The following HLCS variants were observed in gnomAD, a reference collection of about 807,000 sequenced individuals.
HLCS encodes holocarboxylase synthetase, also known as biotin--protein ligase.
A neutral mutation model predicts 75.0 loss-of-function variants in HLCS; 53 were observed. The ratio of observed to expected loss-of-function variants is 0.71; its 90% confidence interval spans 0.57 to 0.89. The LOEUF is 0.89. HLCS is among the 40% of genes least tolerant of loss of function. The pLI is 0.00. For missense variants in HLCS, 966 were observed against 1,074.0 expected (o/e 0.90, Z 1.41); for synonymous variants, 431 against 428.6 (o/e 1.01, Z -0.07).
chr21:36,755,505 A>T lies in HLCS; in HGVS notation c.2450+1037T>A, dbSNP rs919383472. Among the ~76,000 whole-genome samples, 4 of 152,360 alleles carry T rather than the reference A, an allele frequency of 2.6e-5. No individual in the cohort carries two copies. In the South Asian group the frequency reaches 8.3e-4, roughly 32 times the overall value. On this transcript the variant is annotated intron_variant, in intron 10 of 10. Transcript: ENST00000674895. ...GAGAACAAGAACCTCCCATAAAATTATAATAGCATTAACTATGACCACTCA... is the reference window on the plus strand; with the variant it reads ...GAGAACAAGAACCTCCCATAAAATTTTAATAGCATTAACTATGACCACTCA...
intron 6 of HLCS, among the ~76,000 whole-genome samples, chr21:36,880,920 G>T (rs939996985): frequency 2.0e-5 from 3 of 151,990 alleles, no homozygotes; most frequent in African/African-American, 7.3e-5. Flanking sequence ...CTGCGTTCTG[G>T]GTGTTTGGGT....
intron 6 of HLCS, among the ~76,000 whole-genome samples, chr21:36,794,548 T>TAGGA (rs1190195725): frequency 1.3e-5 from 2 of 151,832 alleles, no homozygotes; most frequent in Non-Finnish European, 2.9e-5. Flanking sequence ...TTGGGGGGAA[T>TAGGA]AGGAATAAGG....
intron 6 of HLCS, among the ~76,000 whole-genome samples, chr21:36,774,564 G>A (rs987544503): frequency 1.3e-5 from 2 of 152,174 alleles, no homozygotes; most frequent in Non-Finnish European, 2.9e-5. Context: ...GGGATAAGGA[G>A]GGAAGTCAGG....
At chr21:36,821,671 T>C (rs2061845066) in intron 6 of HLCS, among the ~76,000 whole-genome samples, 1 of 152,220 alleles carries the variant, frequency 6.6e-6, no homozygotes, top group African/African-American at 2.4e-5. Flanking sequence ...GTTATGTCTA[T>C]ATGATATTTA....
chr21:36,978,112 TAA>T (rs1224143802), intron 1 of HLCS, among the ~76,000 whole-genome samples: 1 of 152,206 alleles, frequency 6.6e-6, no homozygotes, highest in African/African-American at 2.4e-5. Flanking sequence ...TCCTTCAGGT[TAA>T]GTTACTTTAT....
At chr21:36,826,015 G>A (rs3787757) in intron 6 of HLCS, among the ~76,000 whole-genome samples, 7,827 of 151,738 alleles carry the variant, frequency 0.052, 327 homozygotes, top group South Asian at 0.17. Context: ...CAAGGAATTA[G>A]AGTAAGAAGT....
At chr21:36,868,258 AGAAG>A (rs933236112) in intron 6 of HLCS, among the ~76,000 whole-genome samples, 10 of 148,848 alleles carry the variant, frequency 6.7e-5, no homozygotes, top group Non-Finnish European at 1.3e-4. Flanking sequence ...AAAGAAAGAG[AGAAG>A]GAAGGAAGGA....
At chr21:36,791,556 G>A (rs2060864387) in intron 6 of HLCS, among the ~76,000 whole-genome samples, 2 of 152,232 alleles carry the variant, frequency 1.3e-5, no homozygotes, top group Admixed American at 1.3e-4. Flanking sequence ...GACCTCACCT[G>A]CGACTTTTCT....
At chr21:36,818,693 G>A (rs114343628) in intron 6 of HLCS, among the ~76,000 whole-genome samples, 1 of 152,278 alleles carries the variant, frequency 6.6e-6, no homozygotes, top group African/African-American at 2.4e-5. Flanking sequence ...ACATGAAAGA[G>A]CACTTAATTT....
chr21:36,829,196 TA>T (rs2062111235), intron 6 of HLCS, among the ~76,000 whole-genome samples: 1 of 152,238 alleles, frequency 6.6e-6, no homozygotes, highest in Non-Finnish European at 1.5e-5. Context: ...AAACTCCAAA[TA>T]GCGTACTTCA....
At chr21:36,962,304 G>T in intron 1 of HLCS, 134 bp from the exon 2 acceptor site, 1 of 499,982 alleles carries the variant, frequency 2.0e-6, no homozygotes, top group African/African-American at 2.0e-5. Context: ...ATGCTCCTCT[G>T]CAGGCCGCAG....
At chr21:36,870,307 G>T (rs2063726097) in intron 6 of HLCS, among the ~76,000 whole-genome samples, 1 of 152,096 alleles carries the variant, frequency 6.6e-6, no homozygotes, top group Admixed American at 6.5e-5. Flanking sequence ...GGGGTGGGGG[G>T]AGGAAGAAAA....
chr21:36,891,412 T>C (rs1010447881), intron 6 of HLCS, among the ~76,000 whole-genome samples: 3 of 152,238 alleles, frequency 2.0e-5, no homozygotes, highest in Non-Finnish European at 4.4e-5. Flanking sequence ...CTAATCTTAA[T>C]TGACCTAGGA....
chr21:36,913,159 G>A (rs1005260843), intron 5 of HLCS, among the ~76,000 whole-genome samples: 1 of 152,056 alleles, frequency 6.6e-6, no homozygotes, highest in Non-Finnish European at 1.5e-5. Flanking sequence ...ATTAACGACT[G>A]CCCAAACCAC....
At chr21:36,825,942 C>G (rs968908600) in intron 6 of HLCS, among the ~76,000 whole-genome samples, 2 of 152,166 alleles carry the variant, frequency 1.3e-5, no homozygotes, top group Non-Finnish European at 2.9e-5. Flanking sequence ...GGGCGGGACA[C>G]TCTCTCCCAA....
intron 6 of HLCS, among the ~76,000 whole-genome samples, chr21:36,854,386 G>A (rs2063115663): frequency 6.6e-6 from 1 of 152,174 alleles, no homozygotes; most frequent in African/African-American, 2.4e-5. Flanking sequence ...GGGGCACGGG[G>A]AAGGACGCTT....
intron 6 of HLCS, among the ~76,000 whole-genome samples, chr21:36,776,049 A>G (rs2060348369): frequency 6.6e-6 from 1 of 152,252 alleles, no homozygotes; most frequent in Non-Finnish European, 1.5e-5. Flanking sequence ...CTATAAAGCC[A>G]CATAGCAAGC....
intron 6 of HLCS, among the ~76,000 whole-genome samples, chr21:36,832,092 T>C (rs975112098): frequency 6.6e-6 from 1 of 152,138 alleles, no homozygotes; most frequent in Admixed American, 6.6e-5. Flanking sequence ...GGCATTTAGG[T>C]TCAATTAGAT....
chr21:36,858,419 G>T (rs1180399925), intron 6 of HLCS, among the ~76,000 whole-genome samples: 1 of 152,146 alleles, frequency 6.6e-6, no homozygotes, highest in Non-Finnish European at 1.5e-5. Flanking sequence ...ATAAAACTGA[G>T]GTTGGAAAGA....
Sources: allele counts gnomAD v4.1 joint callset (sites outside exome capture counted in the v4.1 genomes callset), GRCh38; gene constraint gnomAD v4.1.1; transcripts MANE v1.5; gene names NCBI Gene and HGNC (gene_info 2026-07-23, HGNC 2026-07-21).